Variants in CAMTA1 observed in about 807,000 individuals in gnomAD.
The protein encoded by CAMTA1 is calmodulin-binding transcription activator 1.
A neutral mutation model predicts 170.9 loss-of-function variants in CAMTA1; 27 were observed. That is an observed-to-expected ratio of 0.16 (90% confidence interval 0.12 to 0.22). CAMTA1 has a LOEUF of 0.22. Among genes scored for constraint, CAMTA1 ranks in the 10% least tolerant of loss-of-function variants. The pLI is 1.00. For synonymous variants in CAMTA1, 833 were observed against 891.5 expected (o/e 0.93, Z 1.17); for missense variants, 1,619 against 2,217.2 (o/e 0.73, Z 5.42).
rs1468478554 is a variant in CAMTA1, at chr1:7,499,273, G to A, written c.510+31372G>A. ...TGTACATGAGTGAGTGTGTAGAGAG[G>A]ATGGTGTGAGCCTGGTGTGCGTGTG... On this transcript the variant is annotated intron_variant, in intron 6 of 22. Transcript: ENST00000303635. Among the ~76,000 whole-genome samples, 4 of 139,542 alleles carry A rather than the reference G, an allele frequency of 2.9e-5. 1 individual carries two copies. The highest frequency in any genetic ancestry group is 1.4e-4 in the Admixed American group (2 of 13,910). The allele number at this position is 139,542 out of a possible 152,430, so 91.5% of individuals were successfully genotyped here.
intron 3 of CAMTA1, among the ~76,000 whole-genome samples, chr1:7,021,954 T>C (rs567352612): frequency 6.6e-6 from 1 of 152,274 alleles, no homozygotes; most frequent in East Asian, 1.9e-4. Flanking sequence ...GACAAGCCTA[T>C]GCAACAGCCC....
chr1:7,601,084 C>CA (rs2095436992), intron 6 of CAMTA1, among the ~76,000 whole-genome samples: 1 of 151,764 alleles, frequency 6.6e-6, no homozygotes, highest in South Asian at 2.1e-4. Context: ...CCTCACCTCC[C>CA]GGAAGGGGCG....
intron 6 of CAMTA1, among the ~76,000 whole-genome samples, chr1:7,494,128 G>A (rs1156268519): frequency 1.4e-5 from 2 of 146,878 alleles, no homozygotes; most frequent in Non-Finnish European, 1.5e-5. Context: ...CATGGACTGC[G>A]ATTCTTCTCC....
intron 3 of CAMTA1, among the ~76,000 whole-genome samples, chr1:7,062,402 G>A (rs1343469499): frequency 6.6e-6 from 1 of 152,216 alleles, no homozygotes; most frequent in Non-Finnish European, 1.5e-5. Flanking sequence ...GCAAGAAGAA[G>A]ATAGAATGAG....
chr1:7,523,776 A>C (rs1575788650), intron 6 of CAMTA1, among the ~76,000 whole-genome samples: 1 of 151,972 alleles, frequency 6.6e-6, no homozygotes, highest in Non-Finnish European at 1.5e-5. Flanking sequence ...CCAGCTACTC[A>C]GGAGGCTGAG....
intron 3 of CAMTA1, among the ~76,000 whole-genome samples, chr1:6,859,884 G>T (rs1422214876): frequency 6.6e-6 from 1 of 152,174 alleles, no homozygotes; most frequent in African/African-American, 2.4e-5. Context: ...CTTACCAATG[G>T]TAAGTGTTGT....
At chr1:7,096,653 G>T (rs181254222) in intron 4 of CAMTA1, among the ~76,000 whole-genome samples, 1 of 152,140 alleles carries the variant, frequency 6.6e-6, no homozygotes, top group Non-Finnish European at 1.5e-5. Flanking sequence ...CACCAACTCC[G>T]TCAGTGTTTC....
At chr1:7,512,639 A>G (rs2094217899) in intron 6 of CAMTA1, among the ~76,000 whole-genome samples, 1 of 152,244 alleles carries the variant, frequency 6.6e-6, no homozygotes, top group South Asian at 2.1e-4. Flanking sequence ...GCTCAGACAC[A>G]GGGAAGTCAT....
rs372451013 is a variant in CAMTA1 at position 7,436,398 on chromosome 1, A to G, written c.439-31432A>G. Among the ~76,000 whole-genome samples the G allele has an allele frequency of 2.8e-4, 43 of 152,306 alleles. 1 individual carries two copies. The highest frequency in any genetic ancestry group is 7.2e-4 in the Admixed American group (11 of 15,310). ...GTGACGCCCCAGTTCCAGGCAGCAG[A>G]CTTAATGCTAGGCTTGGAGGGGTGC... is the stretch of plus-strand genomic sequence containing the variant. On this transcript the variant is annotated intron_variant, in intron 5 of 22. Transcript: ENST00000303635.
Position 7,580,516 on chromosome 1 carries a change from C to A in CAMTA1, c.511-59884C>A, listed in dbSNP as rs568188710. On this transcript the variant is annotated intron_variant, in intron 6 of 22. Coordinates refer to ENST00000303635, the MANE Select transcript of CAMTA1 (RefSeq NM_015215.4). The surrounding 1 kb of genome is among the most constrained non-coding windows in gnomAD (Gnocchi z 4.3). ...TCATGGAGACCTCAGAGACACACAG[C>A]CCTCTTCCCATGAGCCAGGTGGCAG... Among the ~76,000 whole-genome samples the A allele has an allele frequency of 6.6e-6, 1 of 152,240 alleles. No individual in the cohort carries two copies.
intron 5 of CAMTA1, among the ~76,000 whole-genome samples, chr1:7,343,588 C>T (rs2083998930): frequency 6.6e-6 from 1 of 152,190 alleles, no homozygotes; most frequent in Non-Finnish European, 1.5e-5. Context: ...AATCCAAGAA[C>T]TAGGACATTA....
intron 3 of CAMTA1, chr1:6,874,280 G>T (rs1404887263): frequency 2.0e-5 from 3 of 152,328 alleles, no homozygotes; most frequent in African/African-American, 7.2e-5. Flanking sequence ...AGGACCATGG[G>T]CTCTGGAGCC....
At chr1:6,826,012 C>T (rs1474738023) in intron 3 of CAMTA1, among the ~76,000 whole-genome samples, 1 of 152,134 alleles carries the variant, frequency 6.6e-6, no homozygotes, top group Non-Finnish European at 1.5e-5. Context: ...ATTTGTGTGC[C>T]TTGGCTCAAC....
chr1:7,718,118 C>A (rs938586892), intron 11 of CAMTA1, among the ~76,000 whole-genome samples: 4 of 151,834 alleles, frequency 2.6e-5, no homozygotes, highest in Non-Finnish European at 4.4e-5. Flanking sequence ...TTTTTGTAGT[C>A]CCGGTGGCTA....
intron 6 of CAMTA1, among the ~76,000 whole-genome samples, chr1:7,475,846 T>G (rs1041647701): frequency 2.0e-5 from 3 of 152,138 alleles, no homozygotes; most frequent in African/African-American, 7.2e-5. Flanking sequence ...AGGGCCCTGG[T>G]CCAGGCCCTT....
intron 6 of CAMTA1, among the ~76,000 whole-genome samples, chr1:7,564,416 C>T (rs1177902654): frequency 6.6e-6 from 1 of 152,264 alleles, no homozygotes; most frequent in Admixed American, 6.5e-5. Context: ...GAGGGCGGCG[C>T]CTTCACAGGG....
chr1:7,664,575 GTTCCAGGCCAAC>G lies in CAMTA1; in HGVS notation c.2039_2050del (p.Asn680_Ala683del), dbSNP rs764500427. On this transcript the variant is annotated inframe_deletion, in exon 9 of 23. Coordinates refer to ENST00000303635, the MANE Select transcript of CAMTA1 (RefSeq NM_015215.4). ...CCACTTCCTCCCTCCACCTCATGCA[GTTCCAGGCCAAC>G]TTCCAGGCCATGACGGCAGAAGGGG... The G allele has an allele frequency of 3.2e-5, 51 of 1,613,070 alleles. No homozygotes were observed. In the African/African-American group the frequency reaches 6.0e-4, roughly 19 times the overall value.
chr1:7,508,093 A>G (rs2094147599), intron 6 of CAMTA1, among the ~76,000 whole-genome samples: 1 of 152,246 alleles, frequency 6.6e-6, no homozygotes, highest in Non-Finnish European at 1.5e-5. Context: ...TCGGTTCCGT[A>G]CCCTGAGAAG....
At chr1:7,603,117 T>C (rs946821251) in intron 6 of CAMTA1, among the ~76,000 whole-genome samples, 1 of 152,218 alleles carries the variant, frequency 6.6e-6, no homozygotes, top group African/African-American at 2.4e-5. Flanking sequence ...GTGGTCAATT[T>C]TGGAATAGGT....
Sources: allele counts gnomAD v4.1 joint callset (sites outside exome capture counted in the v4.1 genomes callset), GRCh38; gene constraint gnomAD v4.1.1; non-coding constraint Gnocchi (gnomAD v3.1); transcripts MANE v1.5; gene names NCBI Gene and HGNC (gene_info 2026-07-23, HGNC 2026-07-21).